The following WWOX variants were observed in gnomAD, a reference collection of about 807,000 sequenced individuals.
WWOX encodes the protein WW domain containing oxidoreductase.
In WWOX, 69 loss-of-function variants were observed where a neutral mutation model predicts 46.2. The ratio of observed to expected loss-of-function variants is 1.49; its 90% CI spans 1.23 to 1.82. The LOEUF is 1.82. Ranked by LOEUF, WWOX falls within the 40% of genes most tolerant of loss-of-function variation. The pLI is 0.00. For missense variants in WWOX, 919 were observed against 542.6 expected (o/e 1.69, Z -6.89); for synonymous variants, 359 against 202.6 (o/e 1.77, Z -6.56).
rs186802679 is a variant in WWOX at position 79,019,269 on chromosome 16, T to C, written c.1057-192339T>C. ...CAATTCTGAGAAATGCATGGTTAGG[T>C]GGTTTCATCATTGTGGAACATCATG... On this transcript the variant is annotated intron_variant, in intron 8 of 8. Coordinates refer to ENST00000566780, the MANE Select transcript of WWOX (RefSeq NM_016373.4). Among the ~76,000 whole-genome samples, 9 of 147,902 alleles carry C rather than the reference T, an allele frequency of 6.1e-5. No homozygotes were observed. The East Asian group carries it at 1.8e-3, about 30-fold the overall frequency.
chr16:78,333,078 C>G (rs1455666224), intron 5 of WWOX, among the ~76,000 whole-genome samples: 2 of 49,326 alleles, frequency 4.1e-5, no homozygotes, highest in Non-Finnish European at 5.6e-5. Flanking sequence ...GAGACAGAGT[C>G]TAGCTCTGTC....
Position 79,212,197 on chromosome 16 carries a change from C to T in WWOX, c.*401C>T. On this transcript the variant is annotated 3_prime_UTR_variant, in exon 9 of 9. Coordinates refer to ENST00000566780, the MANE Select transcript of WWOX (RefSeq NM_016373.4). ...ACTGCAGCCGGGGGCTGGCCTTCTC[C>T]TACTTAGGGAAGAAAAAGCAAGTGT... 6.9e-7 allele frequency: 1 copy of T among 1,458,258 alleles called. No homozygotes were observed. Among genetic ancestry groups the T allele is most frequent in the Non-Finnish European group, 9.0e-7 (1 of 1,112,638 alleles). The allele number at this position is 1,458,258 out of a possible 1,614,324, so 90.3% of individuals were successfully genotyped here. A position where few individuals can be genotyped will look rare whatever the true frequency, so the allele number is the denominator to read the frequency against.
chr16:78,622,004 C>G (rs1484632492), intron 8 of WWOX, among the ~76,000 whole-genome samples: 1 of 152,126 alleles, frequency 6.6e-6, no homozygotes, highest in Admixed American at 6.5e-5. Flanking sequence ...CAATGTCATT[C>G]TTGGGCTAGT....
At chr16:79,102,227 C>G (rs368811499) in intron 8 of WWOX, among the ~76,000 whole-genome samples, 1 of 152,104 alleles carries the variant, frequency 6.6e-6, no homozygotes, top group African/African-American at 2.4e-5. Context: ...TGCCTATAAA[C>G]ATAAAATTAA....
rs542997440 is a variant in WWOX, at chr16:78,408,648, G to C, written c.606-16222G>C. ...AAGTTGAAGGAACTTGTGTCATTCC[G>C]TTGTGCCTGTCGTCTTGACCTTGTA... On this transcript the variant is annotated intron_variant, in intron 6 of 8. Coordinates refer to ENST00000566780, the MANE Select transcript of WWOX (RefSeq NM_016373.4). Among the ~76,000 whole-genome samples, 9 of 152,306 alleles carry C rather than the reference G, an allele frequency of 5.9e-5. No individual in the cohort carries two copies. In the South Asian group the frequency reaches 1.0e-3, roughly 18 times the overall value.
intron 8 of WWOX, among the ~76,000 whole-genome samples, chr16:79,174,396 C>A (rs1227833153): frequency 6.6e-6 from 1 of 152,214 alleles, no homozygotes; most frequent in Admixed American, 6.5e-5. Context: ...CGCCTGTAAT[C>A]CCAGCTCTTT....
At chr16:78,488,184 G>A (rs1386315557) in intron 8 of WWOX, among the ~76,000 whole-genome samples, 1 of 152,188 alleles carries the variant, frequency 6.6e-6, no homozygotes, top group African/African-American at 2.4e-5. Flanking sequence ...AGGGAACATG[G>A]AAGATGGGTC....
chr16:78,933,319 G>C (rs1361352477), intron 8 of WWOX, among the ~76,000 whole-genome samples: 1 of 152,172 alleles, frequency 6.6e-6, no homozygotes, highest in Admixed American at 6.5e-5. Flanking sequence ...CATGCATGTA[G>C]TCCCAGCTAC....
At chr16:78,431,791 A>C (rs898357280) in intron 7 of WWOX, among the ~76,000 whole-genome samples, 4 of 151,866 alleles carry the variant, frequency 2.6e-5, no homozygotes, top group Admixed American at 1.3e-4. Context: ...ATCATAGCTC[A>C]CTGCAACGTT....
At chr16:79,198,428 G>A (rs1038366269) in intron 8 of WWOX, among the ~76,000 whole-genome samples, 22 of 152,140 alleles carry the variant, frequency 1.4e-4, no homozygotes, top group Non-Finnish European at 2.9e-4. Flanking sequence ...CATGGGTATG[G>A]CTGCATCCTC....
At chr16:78,286,764 T>C (rs2079774420) in intron 5 of WWOX, among the ~76,000 whole-genome samples, 1 of 151,938 alleles carries the variant, frequency 6.6e-6, no homozygotes, top group Admixed American at 6.6e-5. Context: ...CCTATACCTA[T>C]TAGAGCATCA....
intron 8 of WWOX, among the ~76,000 whole-genome samples, chr16:79,176,422 C>G (rs532217985): frequency 4.6e-5 from 7 of 152,316 alleles, no homozygotes; most frequent in East Asian, 1.9e-4. Flanking sequence ...CAAATATCCT[C>G]TAGCCCTTTG....
chr16:79,010,797 G>A (rs1346334885), intron 8 of WWOX, among the ~76,000 whole-genome samples: 1 of 149,026 alleles, frequency 6.7e-6, no homozygotes, highest in African/African-American at 2.5e-5. Context: ...ATGGCCCTAA[G>A]GGCAGAGCAC....
At position 78,239,854 on chromosome 16, in the gene WWOX, G is replaced by C. The variant is rs868759518; in HGVS notation, c.516+75565G>C. Among the ~76,000 whole-genome samples, 6 of 152,236 alleles carry C rather than the reference G, an allele frequency of 3.9e-5. No individual in the cohort carries two copies. In the South Asian group the frequency reaches 1.2e-3, roughly 32 times the overall value. The stretch of plus-strand genomic sequence containing the variant: ...CAGGCTGGCTCTTCTAGTTTTTGAA[G>C]CTCACTTTTCTTTTTTCCTCAAGAC... On this transcript the variant is annotated intron_variant, in intron 5 of 8. Coordinates refer to ENST00000566780, the MANE Select transcript of WWOX (RefSeq NM_016373.4).
intron 8 of WWOX, among the ~76,000 whole-genome samples, chr16:78,619,631 G>T (rs78345446): frequency 6.6e-6 from 1 of 151,934 alleles, no homozygotes; most frequent in African/African-American, 2.4e-5. Context: ...TGAATTGGGC[G>T]TGGTGGCTCA....
At chr16:78,517,637 C>A (rs968418607) in intron 8 of WWOX, among the ~76,000 whole-genome samples, 1 of 151,974 alleles carries the variant, frequency 6.6e-6, no homozygotes, top group African/African-American at 2.4e-5. Context: ...GTCAAAAGTC[C>A]TCAGCGCTCC....
chr16:78,817,710 T>A (rs979082421), intron 8 of WWOX, among the ~76,000 whole-genome samples: 1 of 152,128 alleles, frequency 6.6e-6, no homozygotes, highest in Admixed American at 6.5e-5. Flanking sequence ...TCGCTTGGCT[T>A]CCTCCTAAAA....
At chr16:78,376,923 C>T (rs1190670509) in intron 5 of WWOX, among the ~76,000 whole-genome samples, 4 of 152,170 alleles carry the variant, frequency 2.6e-5, no homozygotes, top group African/African-American at 9.7e-5. Context: ...TCCTTTGAAC[C>T]AGAACAGACA....
chr16:78,298,404 G>A (rs1227645697), intron 5 of WWOX, among the ~76,000 whole-genome samples: 2 of 152,152 alleles, frequency 1.3e-5, no homozygotes, highest in African/African-American at 4.8e-5. Context: ...ACATGGGTTT[G>A]TATCCTGGCT....
Sources: allele counts gnomAD v4.1 joint callset (sites outside exome capture counted in the v4.1 genomes callset), GRCh38; gene constraint gnomAD v4.1.1; transcripts MANE v1.5; gene names NCBI Gene and HGNC (gene_info 2026-07-23, HGNC 2026-07-21).